Variants in JAZF1 observed in about 807,000 individuals in gnomAD.
JAZF1 encodes juxtaposed with another zinc finger protein 1.
Under a neutral mutation model 26.4 loss-of-function variants are expected in JAZF1, and 8 were observed. The observed-to-expected ratio is 0.30, with a 90% CI of 0.18 to 0.55. JAZF1 has a LOEUF of 0.55. Ranked by LOEUF, JAZF1 falls within the 20% of genes least tolerant of loss-of-function variation. JAZF1 has a pLI of 0.94. For synonymous variants in JAZF1, 126 were observed against 122.3 expected (o/e 1.03, Z -0.20); for missense variants, 199 against 322.0 (o/e 0.62, Z 2.92).
At chr7:28,062,499 T>A (rs1017378329) in intron 1 of JAZF1, among the ~76,000 whole-genome samples, 2 of 152,004 alleles carry the variant, frequency 1.3e-5, no homozygotes, top group African/African-American at 4.8e-5. Context: ...TAACCACCTT[T>A]CCACAGGCCT....
intron 1 of JAZF1, among the ~76,000 whole-genome samples, chr7:28,122,204 T>C (rs566522252): frequency 1.3e-5 from 2 of 152,262 alleles, no homozygotes; most frequent in East Asian, 3.9e-4. Context: ...CAAAACCAAA[T>C]ACATACAAGT....
rs533454657 is a variant in JAZF1 at position 28,116,187 on chromosome 7, AG to A, written c.115+64275del. Among the ~76,000 whole-genome samples the A allele has an allele frequency of 4.1e-4, 62 of 152,308 alleles. No individual in the cohort carries two copies. In the Middle Eastern group the frequency reaches 0.01, roughly 25 times the overall value. On this transcript the variant is annotated intron_variant, in intron 1 of 4. Transcript: ENST00000283928. ...TGCCAAAGCCAGACTGCTGGGTCAA[AG>A]GGTAATTGTATTTGTAATCTCGATA...
chr7:28,152,962 G>A (rs1783132183), intron 1 of JAZF1, among the ~76,000 whole-genome samples: 1 of 152,200 alleles, frequency 6.6e-6, no homozygotes. Flanking sequence ...GTAAATTGGT[G>A]TTGCATTTTC....
intron 2 of JAZF1, among the ~76,000 whole-genome samples, chr7:27,895,783 A>G (rs1401881040): frequency 6.6e-6 from 1 of 151,964 alleles, no homozygotes; most frequent in Non-Finnish European, 1.5e-5. Flanking sequence ...AAGTTCCCCA[A>G]CCACTCCTAA....
At chr7:28,068,142 T>C (rs901081912) in intron 1 of JAZF1, among the ~76,000 whole-genome samples, 3 of 151,788 alleles carry the variant, frequency 2.0e-5, no homozygotes, top group Admixed American at 1.3e-4. Flanking sequence ...CTCGAACTCC[T>C]GACATCAGAT....
intron 1 of JAZF1, among the ~76,000 whole-genome samples, chr7:28,065,650 T>C (rs900990851): frequency 1.3e-5 from 2 of 152,176 alleles, no homozygotes; most frequent in African/African-American, 4.8e-5. Flanking sequence ...TCTTGTTATC[T>C]AGGTAGTAAA....
chr7:27,958,310 G>T (rs1378015814), intron 2 of JAZF1, among the ~76,000 whole-genome samples: 1 of 152,172 alleles, frequency 6.6e-6, no homozygotes, highest in Non-Finnish European at 1.5e-5. Context: ...TTTTACTAAA[G>T]AGTAGGTGAA....
intron 2 of JAZF1, among the ~76,000 whole-genome samples, chr7:27,956,279 A>G (rs534049869): frequency 6.6e-6 from 1 of 152,276 alleles, no homozygotes; most frequent in African/African-American, 2.4e-5. Context: ...CTCTCGTGAG[A>G]GCAGTCAACT....
intron 1 of JAZF1, among the ~76,000 whole-genome samples, chr7:28,003,080 T>G (rs1019864827): frequency 6.6e-5 from 10 of 152,172 alleles, no homozygotes; most frequent in African/African-American, 2.4e-4. Flanking sequence ...AAGCCATATA[T>G]TTGAAGGTTT....
intron 3 of JAZF1, 72 bp downstream of exon 3, chr7:27,895,148 C>T: frequency 2.8e-6 from 3 of 1,054,702 alleles, no homozygotes; most frequent in Non-Finnish European, 4.0e-6. Flanking sequence ...CCTTTCTGCC[C>T]CCAGCACATC....
intron 2 of JAZF1, among the ~76,000 whole-genome samples, chr7:27,946,478 A>G (rs1362918952): frequency 6.6e-6 from 1 of 152,206 alleles, no homozygotes; most frequent in Non-Finnish European, 1.5e-5. Context: ...TCTCCTGGAA[A>G]AAACATCCGA....
At chr7:28,168,192 C>T (rs1783397586) in intron 1 of JAZF1, among the ~76,000 whole-genome samples, 4 of 152,038 alleles carry the variant, frequency 2.6e-5, no homozygotes, top group Non-Finnish European at 5.9e-5. Context: ...ACCATCCTGG[C>T]TAACATGGTG....
intron 1 of JAZF1, among the ~76,000 whole-genome samples, chr7:28,022,038 A>T (rs1783015297): frequency 6.6e-6 from 1 of 152,252 alleles, no homozygotes; most frequent in Non-Finnish European, 1.5e-5. Flanking sequence ...AAAAGGCTCA[A>T]TAAAAGATAA....
chr7:27,840,664 T>G lies in JAZF1; in HGVS notation c.555+34A>C. On this transcript the variant is annotated intron_variant, in intron 4 of 4. Transcript: ENST00000283928. This position sits in a 1 kb window ranked among gnomAD's most constrained non-coding sequence, Gnocchi z 5.1. ...TTCCATGAAGCTTGCCCTGTTTCCA[T>G]GTGGTTATGCCAAGCATGCAGCACC... is the stretch of plus-strand genomic sequence containing the variant. The G allele has an allele frequency of 6.2e-7, 1 of 1,607,934 alleles. No individual in the cohort carries two copies. Among genetic ancestry groups the G allele is most frequent in the Non-Finnish European group, 8.5e-7 (1 of 1,176,124 alleles).
intron 1 of JAZF1, among the ~76,000 whole-genome samples, chr7:28,143,558 C>T (rs576588592): frequency 7.7e-4 from 117 of 152,278 alleles, no homozygotes; most frequent in Admixed American, 1.3e-3. Flanking sequence ...GTTTAGAAGG[C>T]TCAGTATTCA....
intron 1 of JAZF1, among the ~76,000 whole-genome samples, chr7:28,163,128 G>A (rs1402702084): frequency 6.6e-6 from 1 of 152,194 alleles, no homozygotes; most frequent in African/African-American, 2.4e-5. Context: ...TCAGCTCATG[G>A]TCATTAAATG....
At chr7:28,106,431 T>C (rs959617511) in intron 1 of JAZF1, among the ~76,000 whole-genome samples, 1 of 152,154 alleles carries the variant, frequency 6.6e-6, no homozygotes, top group Non-Finnish European at 1.5e-5. Flanking sequence ...TTTCAATAAA[T>C]AGAACTCAAG....
chr7:27,905,253 C>G (rs1336385546), intron 2 of JAZF1, among the ~76,000 whole-genome samples: 1 of 152,114 alleles, frequency 6.6e-6, no homozygotes, highest in Non-Finnish European at 1.5e-5. Context: ...CATGAGCTAC[C>G]CACGCCTGGC....
At chr7:27,961,242 G>A (rs1241372893) in intron 2 of JAZF1, among the ~76,000 whole-genome samples, 3 of 152,148 alleles carry the variant, frequency 2.0e-5, no homozygotes, top group East Asian at 3.8e-4. Flanking sequence ...CTTGTCAAAG[G>A]CCACCAAGCT....
Sources: allele counts gnomAD v4.1 joint callset (sites outside exome capture counted in the v4.1 genomes callset), GRCh38; gene constraint gnomAD v4.1.1; non-coding constraint Gnocchi (gnomAD v3.1); transcripts MANE v1.5; gene names NCBI Gene and HGNC (gene_info 2026-07-23, HGNC 2026-07-21).